DLG2: variants seen among roughly 807,000 people sequenced by gnomAD.
DLG2 encodes disks large homolog 2.
Under a neutral mutation model 132.5 loss-of-function variants are expected in DLG2, and 45 were observed. That is an observed-to-expected ratio of 0.34 (90% CI 0.27 to 0.44). DLG2 has a LOEUF of 0.44. DLG2 is among the 20% of genes least tolerant of loss of function. The pLI is 1.00. For synonymous variants in DLG2, 424 were observed against 419.6 expected (o/e 1.01, Z -0.13); for missense variants, 1,045 against 1,196.9 (o/e 0.87, Z 1.87).
intron 6 of DLG2, among the ~76,000 whole-genome samples, chr11:84,912,702 T>C (rs2092186017): frequency 6.6e-6 from 1 of 152,206 alleles, no homozygotes; most frequent in Admixed American, 6.5e-5. Flanking sequence ...TTTCCACATC[T>C]CCTATATGGC....
intron 18 of DLG2, among the ~76,000 whole-genome samples, chr11:83,750,776 A>AT (rs1348088192): frequency 6.6e-6 from 1 of 152,166 alleles, no homozygotes; most frequent in Non-Finnish European, 1.5e-5. Context: ...AAATATGATT[A>AT]TTTTTTCAAT....
chr11:85,465,400 A>C (rs2092754678), intron 3 of DLG2, among the ~76,000 whole-genome samples: 1 of 151,992 alleles, frequency 6.6e-6, no homozygotes, highest in Non-Finnish European at 1.5e-5. Flanking sequence ...GGTGTGCTGC[A>C]CCCAGTAACT....
At chr11:85,252,164 G>A (rs2076426845) in intron 4 of DLG2, among the ~76,000 whole-genome samples, 1 of 152,140 alleles carries the variant, frequency 6.6e-6, no homozygotes, top group South Asian at 2.1e-4. Context: ...TCTAACCCAA[G>A]GAAACATTCA....
At chr11:83,826,249 G>A (rs757597727) in intron 17 of DLG2, among the ~76,000 whole-genome samples, 1 of 152,194 alleles carries the variant, frequency 6.6e-6, no homozygotes, top group Non-Finnish European at 1.5e-5. Context: ...AGGCCCTGCT[G>A]AATACCCACA....
intron 21 of DLG2, among the ~76,000 whole-genome samples, chr11:83,531,688 T>G (rs2095749034): frequency 1.3e-5 from 2 of 151,122 alleles, no homozygotes; most frequent in Admixed American, 6.6e-5. Context: ...CAGAAAAGTT[T>G]GTACACAAAT....
At chr11:84,483,982 A>G (rs2099144656) in intron 7 of DLG2, among the ~76,000 whole-genome samples, 1 of 152,076 alleles carries the variant, frequency 6.6e-6, no homozygotes, top group South Asian at 2.1e-4. Flanking sequence ...GATCTTTATG[A>G]GAGTATAGGC....
At chr11:84,813,996 C>G (rs74933517) in intron 6 of DLG2, among the ~76,000 whole-genome samples, 5,062 of 152,220 alleles carry the variant, frequency 0.033, 279 homozygotes, top group African/African-American at 0.11. Flanking sequence ...TGTTTCTACA[C>G]TATATTCCTG....
chr11:83,580,020 G>A (rs1238882508), intron 19 of DLG2, among the ~76,000 whole-genome samples: 1 of 151,854 alleles, frequency 6.6e-6, no homozygotes, highest in Non-Finnish European at 1.5e-5. Flanking sequence ...TGGTCAGTAT[G>A]TGACACTGAG....
chr11:83,959,393 A>T (rs1230092929), intron 14 of DLG2, among the ~76,000 whole-genome samples: 2 of 152,150 alleles, frequency 1.3e-5, no homozygotes, highest in African/African-American at 4.8e-5. Context: ...ATGTGATTTT[A>T]TAGGTTATGG....
intron 25 of DLG2, among the ~76,000 whole-genome samples, chr11:83,467,771 G>GTATATATATATATATA (rs1192401405): frequency 2.0e-4 from 17 of 85,054 alleles, no homozygotes; most frequent in South Asian, 4.7e-4. Flanking sequence ...AAAACTATAT[G>GTATATATATATATATA]TATATATATA....
At chr11:84,121,654 C>G (rs928799466) in intron 9 of DLG2, among the ~76,000 whole-genome samples, 2 of 147,634 alleles carry the variant, frequency 1.4e-5, no homozygotes, top group African/African-American at 5.0e-5. Context: ...TTCCGCCTCC[C>G]GGGTTCACGC....
intron 3 of DLG2, among the ~76,000 whole-genome samples, chr11:85,528,533 G>A (rs1372727746): frequency 6.6e-6 from 1 of 152,140 alleles, no homozygotes; most frequent in Non-Finnish European, 1.5e-5. Flanking sequence ...ATACACTGTT[G>A]GCAGTAGAGT....
Position 85,191,158 on chromosome 11 carries a change from G to GCACACA in DLG2, c.187-36508_187-36507insTGTGTG, listed in dbSNP as rs531319092. Among the ~76,000 whole-genome samples, 284 of 113,378 alleles carry GCACACA rather than the reference G, an allele frequency of 2.5e-3. 1 individual carries two copies. Among genetic ancestry groups the GCACACA allele is most frequent in the East Asian group, 0.018 (68 of 3,834 alleles). 74.4% of individuals were successfully genotyped at this position (113,378 alleles called of 152,430 possible). On this transcript the variant is annotated intron_variant, in intron 4 of 27. Transcript: ENST00000376104. ...TCTATATGCATGCGCGCGCGCGCAC[G>GCACACA]CGCGCACACACACACACACACACAC...
chr11:84,083,315 A>G (rs1437127248), intron 10 of DLG2, among the ~76,000 whole-genome samples: 1 of 152,194 alleles, frequency 6.6e-6, no homozygotes, highest in Non-Finnish European at 1.5e-5. Flanking sequence ...CAGTCATCTA[A>G]TGTAAATAAA....
rs2094598764 is a variant in DLG2 at position 84,006,890 on chromosome 11, C to A, written c.920-26248G>T. On this transcript the variant is annotated intron_variant, in intron 11 of 27. Coordinates refer to ENST00000376104, the MANE Select transcript of DLG2 (RefSeq NM_001142699.3). ...CCCCAACACTGACTGTTTGTCATATCTTCTTCACAAAACCAAATTGTGAAA... is the reference window on the plus strand; with the variant it reads ...CCCCAACACTGACTGTTTGTCATATATTCTTCACAAAACCAAATTGTGAAA... 1.3e-5 allele frequency among the ~76,000 whole-genome samples: 2 copies of A among 151,608 alleles called. 1 individual carries two copies. The highest frequency in any genetic ancestry group is 4.8e-5 in the African/African-American group (2 of 41,378).
chr11:85,593,031 G>A (rs932059171), intron 3 of DLG2, among the ~76,000 whole-genome samples: 2 of 151,324 alleles, frequency 1.3e-5, no homozygotes, highest in Admixed American at 1.3e-4. Context: ...GGGAGGGAGG[G>A]AAGGAAGGAA....
chr11:84,366,506 G>C (rs1389410548), intron 7 of DLG2, among the ~76,000 whole-genome samples: 1 of 151,972 alleles, frequency 6.6e-6, no homozygotes, highest in East Asian at 1.9e-4. Flanking sequence ...CCAATTAAAA[G>C]ACACAGACTG....
intron 7 of DLG2, among the ~76,000 whole-genome samples, chr11:84,426,381 T>C (rs1265772545): frequency 1.3e-5 from 2 of 152,238 alleles, no homozygotes; most frequent in Middle Eastern, 3.4e-3. Flanking sequence ...TGTAGCATCA[T>C]GGTTAAGAAT....
At chr11:84,054,926 A>G (rs1311523090) in intron 11 of DLG2, among the ~76,000 whole-genome samples, 2 of 152,110 alleles carry the variant, frequency 1.3e-5, no homozygotes, top group Non-Finnish European at 2.9e-5. Flanking sequence ...TAGATTTATT[A>G]AATGCATTAA....
Sources: gnomAD v4.1 joint callset for allele counts (sites outside exome capture counted in the v4.1 genomes callset) on GRCh38, gnomAD v4.1.1 for gene constraint, MANE v1.5 for transcripts, NCBI Gene and HGNC (gene_info 2026-07-23, HGNC 2026-07-21) for gene names.